SUGCT: variants seen among roughly 807,000 people sequenced by gnomAD.
SUGCT encodes the protein succinyl-CoA:glutarate-CoA transferase, also known as succinyl-CoA:glutarate CoA-transferase.
SUGCT carries 41 observed loss-of-function variants against 55.0 expected under a neutral mutation model. The ratio of observed to expected loss-of-function variants is 0.74; its 90% CI spans 0.58 to 0.97. The LOEUF (loss-of-function observed/expected upper bound fraction) is 0.97. SUGCT is among the 50% of genes least tolerant of loss of function. SUGCT has a pLI of 0.00. For missense variants in SUGCT, 568 were observed against 547.8 expected (o/e 1.04, Z -0.37); for synonymous variants, 187 against 200.4 (o/e 0.93, Z 0.56).
At chr7:40,455,511 CAA>C (rs1224418937) in intron 10 of SUGCT, among the ~76,000 whole-genome samples, 1 of 152,088 alleles carries the variant, frequency 6.6e-6, no homozygotes, top group East Asian at 1.9e-4. Flanking sequence ...CAAACACAAA[CAA>C]AAGAGGCAAA....
At chr7:40,555,488 G>A (rs1052340553) in intron 12 of SUGCT, among the ~76,000 whole-genome samples, 2 of 152,060 alleles carry the variant, frequency 1.3e-5, no homozygotes, top group African/African-American at 2.4e-5. Context: ...GTCCCAGGTG[G>A]CCTGATGTCT....
At chr7:40,417,533 T>C (rs1055522610) in intron 9 of SUGCT, among the ~76,000 whole-genome samples, 1 of 151,920 alleles carries the variant, frequency 6.6e-6, no homozygotes, top group African/African-American at 2.4e-5. Context: ...ATTGTGCTTT[T>C]AAAATTTATG....
intron 12 of SUGCT, among the ~76,000 whole-genome samples, chr7:40,724,424 G>A (rs1441050671): frequency 1.3e-5 from 2 of 152,062 alleles, no homozygotes; most frequent in Admixed American, 1.3e-4. Context: ...AATTAACGGC[G>A]TGGCAGCGTG....
intron 13 of SUGCT, among the ~76,000 whole-genome samples, chr7:40,854,418 TC>T (rs72153686): frequency 0.13 from 6,242 of 47,224 alleles, 380 homozygotes; most frequent in East Asian, 0.54. Context: ...TTTCTTTCTT[TC>T]CTTTCTTTCT....
intron 13 of SUGCT, among the ~76,000 whole-genome samples, chr7:40,753,436 T>C (rs1220357296): frequency 1.3e-5 from 2 of 152,242 alleles, no homozygotes; most frequent in African/African-American, 4.8e-5. Flanking sequence ...GACATAGTTC[T>C]ATAGATTTAC....
chr7:40,910,794 G>A, the SUGCT span, among the ~76,000 whole-genome samples: 1 of 152,138 alleles, frequency 6.6e-6, no homozygotes, highest in Non-Finnish European at 1.5e-5. Flanking sequence ...CATAGCCCAT[G>A]GCACACAACA....
At chr7:40,319,393 T>C (rs947857607) in intron 9 of SUGCT, among the ~76,000 whole-genome samples, 4 of 152,146 alleles carry the variant, frequency 2.6e-5, no homozygotes, top group Admixed American at 6.6e-5. Flanking sequence ...GGGGAATATT[T>C]TTGTGGGTGA....
chr7:40,907,104 TGTGTGTGTGTGTGTGTG>T, the SUGCT span, among the ~76,000 whole-genome samples: 1 of 113,524 alleles, frequency 8.8e-6, no homozygotes, highest in Non-Finnish European at 1.9e-5. Context: ...ATAGTGTGTG[TGTGTGTGTGTGTGTGTG>T]TGTGTGTGTG....
Position 40,228,883 on chromosome 7 carries a change from A to G in SUGCT, c.485-8752A>G, listed in dbSNP as rs1435479040. On this transcript the variant is annotated intron_variant, in intron 6 of 13. Coordinates refer to ENST00000335693, the MANE Select transcript of SUGCT (RefSeq NM_001193313.2). ...TGTAATATCATTATGAACCCACAATATTGAGCATATTTGATGTGCTTCAAT... is the reference window on the plus strand; with the variant it reads ...TGTAATATCATTATGAACCCACAATGTTGAGCATATTTGATGTGCTTCAAT... Among the ~76,000 whole-genome samples the G allele has an allele frequency of 5.9e-5, 9 of 152,166 alleles. No homozygotes were observed. In the East Asian group the frequency reaches 1.5e-3, roughly 26 times the overall value.
chr7:40,492,476 T>C (rs953676225), intron 11 of SUGCT, among the ~76,000 whole-genome samples: 4 of 152,166 alleles, frequency 2.6e-5, no homozygotes, highest in African/African-American at 9.7e-5. Flanking sequence ...GTCCCCTGCC[T>C]AAAGACCTCT....
intron 13 of SUGCT, among the ~76,000 whole-genome samples, chr7:40,783,001 C>G (rs1789832558): frequency 6.6e-6 from 1 of 152,126 alleles, no homozygotes; most frequent in Admixed American, 6.5e-5. Flanking sequence ...GTGACTCTGC[C>G]TCTGTGGGTG....
Position 40,307,637 on chromosome 7 carries a change from G to A in SUGCT, c.721-9123G>A, listed in dbSNP as rs967230176. On this transcript the variant is annotated intron_variant, in intron 8 of 13. Coordinates refer to ENST00000335693, the MANE Select transcript of SUGCT (RefSeq NM_001193313.2). ...AATTCATGTAAATGAGATAATTCAT[G>A]TAAAATGCTTAGAACAGTGTGCAGT... is the stretch of plus-strand genomic sequence containing the variant. 3.9e-5 allele frequency among the ~76,000 whole-genome samples: 6 copies of A among 152,206 alleles called. No homozygotes were observed. The East Asian group carries it at 1.2e-3, about 29-fold the overall frequency.
intron 9 of SUGCT, among the ~76,000 whole-genome samples, chr7:40,376,744 C>A (rs1410929856): frequency 2.3e-5 from 1 of 44,020 alleles, no homozygotes; most frequent in African/African-American, 6.4e-5. Flanking sequence ...GATATAATCA[C>A]TCTTTTTTTT....
intron 12 of SUGCT, among the ~76,000 whole-genome samples, chr7:40,583,234 A>C (rs1797196821): frequency 6.6e-6 from 1 of 152,206 alleles, no homozygotes; most frequent in Non-Finnish European, 1.5e-5. Context: ...CAGCCTTTGA[A>C]ATCCTGTCAT....
At chr7:40,623,228 G>GT (rs1258652467) in intron 12 of SUGCT, among the ~76,000 whole-genome samples, 1 of 152,136 alleles carries the variant, frequency 6.6e-6, no homozygotes, top group Non-Finnish European at 1.5e-5. Context: ...GGACTCCATA[G>GT]TTTTTTCTAA....
At chr7:40,991,568 A>G in the SUGCT span, among the ~76,000 whole-genome samples, 33 of 152,170 alleles carry the variant, frequency 2.2e-4, no homozygotes, top group Non-Finnish European at 4.0e-4. Flanking sequence ...ATGAAGCACA[A>G]TAAAGTGAAG....
chr7:40,958,065 T>C, the SUGCT span, among the ~76,000 whole-genome samples: 2 of 152,132 alleles, frequency 1.3e-5, no homozygotes, highest in Non-Finnish European at 2.9e-5. Flanking sequence ...TGTGGGTAAC[T>C]CAATCTTTCT....
intron 13 of SUGCT, among the ~76,000 whole-genome samples, chr7:40,759,832 T>A (rs1019087699): frequency 2.7e-5 from 4 of 150,564 alleles, no homozygotes; most frequent in African/African-American, 9.7e-5. Flanking sequence ...GTGGGTTTTT[T>A]TGTTGTTGTT....
intron 9 of SUGCT, among the ~76,000 whole-genome samples, chr7:40,429,988 G>A (rs1787809215): frequency 1.3e-5 from 2 of 152,196 alleles, no homozygotes; most frequent in African/African-American, 4.8e-5. Flanking sequence ...TATCTAAGTT[G>A]TGGCATTTCG....
Sources: gnomAD v4.1 joint callset for allele counts (sites outside exome capture counted in the v4.1 genomes callset) on GRCh38, gnomAD v4.1.1 for gene constraint, MANE v1.5 for transcripts, NCBI Gene and HGNC (gene_info 2026-07-23, HGNC 2026-07-21) for gene names.